Variants in F5 observed in about 807,000 individuals in gnomAD.
F5 encodes the protein coagulation factor V.
Under a neutral mutation model 216.4 loss-of-function variants are expected in F5, and 138 were observed. The ratio of observed to expected loss-of-function variants is 0.64; its 90% CI spans 0.56 to 0.73. The LOEUF is 0.73. F5 is among the 30% of genes least tolerant of loss of function. The pLI, the probability that F5 is intolerant of heterozygous loss-of-function variation, is 0.00. For synonymous variants in F5, 916 were observed against 930.7 expected (o/e 0.98, Z 0.29); for missense variants, 2,403 against 2,674.0 (o/e 0.90, Z 2.24).
Position 169,536,586 on chromosome 1 carries a change from G to A in F5, c.4891C>T (p.Arg1631Cys), listed in dbSNP as rs771962686. 1.7e-5 allele frequency: 28 copies of A among 1,613,338 alleles called. 1 individual carries two copies. Among genetic ancestry groups the A allele is most frequent in the South Asian group, 1.4e-4 (13 of 91,072 alleles). ...TCTTCATACTCCCCTCGAGGATCAC[G>A]TTTGGTAAAAGTGCTGTCGAGGTAC... is the stretch of plus-strand genomic sequence containing the variant. ...RKYLDSTFTK[R>C]DPRGEYEEHL... The change falls in exon 14 of 25, where the codon CGT (arginine) becomes TGT (cysteine). Residue 1631 changes from arginine (R) to cysteine (C), a missense_variant. Arg to Cys is a radical substitution (Grantham distance 180). Transcript: ENST00000367797.
chr1:169,540,034 G>A (rs1659795849), intron 13 of F5, among the ~76,000 whole-genome samples: 1 of 152,180 alleles, frequency 6.6e-6, no homozygotes. Flanking sequence ...TGGGTAGTAA[G>A]AGGAGAGGAC....
At chr1:169,549,429 G>T (rs1660108214) in intron 10 of F5, among the ~76,000 whole-genome samples, 2 of 152,276 alleles carry the variant, frequency 1.3e-5, no homozygotes, top group South Asian at 4.1e-4. Context: ...TTACCAGATG[G>T]TATCTCACTG....
At chr1:169,557,746 G>GT (rs1381692049) in intron 5 of F5, among the ~76,000 whole-genome samples, 1 of 151,226 alleles carries the variant, frequency 6.6e-6, no homozygotes, top group Non-Finnish European at 1.5e-5. Flanking sequence ...ACAAAGGCTT[G>GT]TTTTTTTTAG....
In F5 at chr1:169,585,701, A is replaced by T. The variant is rs151315409; in HGVS notation, c.158+528T>A. ...AAAAAAGGTGAAAGTACAAAAACAT[A>T]CAAGAACTGATGATATTTTGAAAGT... On this transcript the variant is annotated intron_variant, in intron 1 of 24. Transcript: ENST00000367797. 3.8e-3 allele frequency among the ~76,000 whole-genome samples: 575 copies of T among 152,362 alleles called. 4 individuals carry two copies. The highest frequency in any genetic ancestry group is 0.024 in the Middle Eastern group (7 of 294).
In F5 at chr1:169,572,255, A is replaced by G; in HGVS notation, c.339T>C (p.His113=). The G allele has an allele frequency of 1.2e-6, 2 of 1,613,180 alleles. No homozygotes were observed. The highest frequency in any genetic ancestry group is 1.1e-5 in the South Asian group (1 of 91,062). Residue 113 remains histidine (H), a synonymous_variant, in exon 3 of 25, where the codon CAT becomes CAC. Coordinates refer to ENST00000367797, the MANE Select transcript of F5 (RefSeq NM_000130.5). ...ATTTACTGTACCTAATTCCTTGAGG[A>G]TGGATGCTCAAGGGCTTATCTGCCT... ...KNKADKPLSI[H]PQGIRYSKLS... is the part of the protein sequence containing the mutation.
intron 3 of F5, among the ~76,000 whole-genome samples, chr1:169,568,320 CTGAG>C (rs1660655214): frequency 6.6e-6 from 1 of 152,056 alleles, no homozygotes; most frequent in Non-Finnish European, 1.5e-5. Context: ...TATAATTACA[CTGAG>C]TGAGATGGCT....
intron 2 of F5, among the ~76,000 whole-genome samples, chr1:169,574,512 G>A (rs2213872): frequency 0.25 from 37,331 of 152,154 alleles, 5,385 homozygotes; most frequent in South Asian, 0.36. Flanking sequence ...GCCATTAGGC[G>A]TCCTAGAAGC....
rs202118934 is a variant in F5, at chr1:169,582,408, A to T, written c.250+23T>A. 6.5e-4 allele frequency: 845 copies of T among 1,303,316 alleles called. 5 individuals are homozygous for T. The highest frequency in any genetic ancestry group is 2.4e-3 in the Admixed American group (122 of 50,854). The allele number at this position is 1,303,316 out of a possible 1,614,324, so 80.7% of individuals were successfully genotyped here. A position where few individuals can be genotyped will look rare whatever the true frequency, so the allele number is the denominator to read the frequency against. ...CCCATAGAAATTTATCTTTAAAATT[A>T]AAAAAGTATATTTCAGGCTTACCTG... On this transcript the variant is annotated intron_variant, in intron 2 of 24. Coordinates refer to ENST00000367797, the MANE Select transcript of F5 (RefSeq NM_000130.5).
chr1:169,519,743 C>T (rs1316209780), intron 22 of F5, among the ~76,000 whole-genome samples: 1 of 152,210 alleles, frequency 6.6e-6, no homozygotes, highest in African/African-American at 2.4e-5. Context: ...TCCAGCCCTT[C>T]AGCAGCCAAG....
chr1:169,582,077 A>G (rs1167030994), intron 2 of F5, among the ~76,000 whole-genome samples: 3 of 152,238 alleles, frequency 2.0e-5, no homozygotes, highest in African/African-American at 7.2e-5. Flanking sequence ...TTTTAGATGA[A>G]TGAATAAAAA....
Position 169,540,931 on chromosome 1 carries a change from C to G in F5, c.4159G>C (p.Asp1387His). The G allele has an allele frequency of 3.1e-6, 5 of 1,614,002 alleles. No homozygotes were observed. Among genetic ancestry groups the G allele is most frequent in the Non-Finnish European group, 3.4e-6 (4 of 1,179,980 alleles). The change falls in exon 13 of 25, where the codon GAC becomes CAC. Residue 1387 changes from aspartate (D) to histidine (H), a missense_variant. By Grantham distance (81) the Asp-to-His change is moderately conservative. Transcript: ENST00000367797. ...PELSQTNLSP[D>H]LSEMPLFADL... is the part of the protein sequence containing the mutation. ...GCAAAGAGGGGCATCTCACTGAGGT[C>G]TGGGGAAAGGTTTGTCTGACTGAGT...
chr1:169,525,831 TA>T, intron 18 of F5, 69 bp downstream of exon 18: 1 of 1,071,496 alleles, frequency 9.3e-7, no homozygotes, highest in Non-Finnish European at 1.5e-6. Context: ...ATTTCCAATC[TA>T]AAAGTTGGTA....
Position 169,544,368 on chromosome 1 carries a change from T to C in F5, c.1903A>G (p.Lys635Glu), listed in dbSNP as rs369751097. ...AGGGTCAAGGTGTCCTCATGCCTCT[T>C]TCCATAGATGAATGAGTGCCCAGTG... is the stretch of plus-strand genomic sequence containing the variant. ...HFTGHSFIYG[K>E]RHEDTLTLFP... The change falls in exon 12 of 25, where the codon AAG becomes GAG. Residue 635 changes from lysine (K) to glutamate (E), a missense_variant. By Grantham distance (56) the Lys-to-Glu change is moderately conservative. Transcript: ENST00000367797. The C allele has an allele frequency of 5.0e-6, 8 of 1,614,002 alleles. No homozygotes were observed. The African/African-American group carries it at 8.0e-5, about 16-fold the overall frequency.
chr1:169,521,352 G>C (rs1418954071), intron 21 of F5, among the ~76,000 whole-genome samples: 2 of 152,126 alleles, frequency 1.3e-5, no homozygotes. Flanking sequence ...TGCCCCTGCA[G>C]TATCAGTGGA....
chr1:169,565,811 G>C (rs1199936406), intron 3 of F5, among the ~76,000 whole-genome samples: 2 of 152,066 alleles, frequency 1.3e-5, no homozygotes, highest in Admixed American at 1.3e-4. Context: ...CTAGCATAAA[G>C]TGGACTTTGT....
chr1:169,541,729 C>G lies in F5; in HGVS notation c.3361G>C (p.Val1121Leu). ...ASCPPGLYQT[V>L]PPEEHYQTFP... ...GTTTGATAGTGTTCCTCTGGGGGCA[C>G]TGTCTGATAAAGACCTGGAGGACAG... is the stretch of plus-strand genomic sequence containing the variant. Residue 1121 changes from valine (V) to leucine (L), a missense_variant, in exon 13 of 25, where the codon GTG becomes CTG. Coordinates refer to ENST00000367797, the MANE Select transcript of F5 (RefSeq NM_000130.5). 4 of 1,614,004 alleles carry G rather than the reference C, an allele frequency of 2.5e-6. No homozygotes were observed. Among genetic ancestry groups the G allele is most frequent in the Non-Finnish European group, 2.5e-6 (3 of 1,179,970 alleles).
intron 10 of F5, among the ~76,000 whole-genome samples, chr1:169,547,051 G>A (rs559950265): frequency 2.6e-5 from 4 of 152,088 alleles, no homozygotes; most frequent in Admixed American, 1.3e-4. Context: ...CCAGCTACTC[G>A]GGAGGCCGAG....
At chr1:169,540,177 G>T in intron 13 of F5, 117 bp downstream of exon 13, 1 of 1,120,098 alleles carries the variant, frequency 8.9e-7, no homozygotes. Flanking sequence ...ACTTGCAATA[G>T]GGGAACCACA....
chr1:169,571,436 A>G (rs1404501294), intron 3 of F5, among the ~76,000 whole-genome samples: 1 of 152,150 alleles, frequency 6.6e-6, no homozygotes, highest in East Asian at 1.9e-4. Context: ...CAGAGATGCT[A>G]AAGTCGTAGA....
Sources: gnomAD v4.1 joint callset for allele counts (sites outside exome capture counted in the v4.1 genomes callset) on GRCh38, gnomAD v4.1.1 for gene constraint, MANE v1.5 for transcripts, NCBI Gene and HGNC (gene_info 2026-07-23, HGNC 2026-07-21) for gene names.